Variants in APBA1 observed in about 807,000 individuals in gnomAD.
The protein encoded by APBA1 is amyloid-beta A4 precursor protein-binding family A member 1.
APBA1 carries 55 observed loss-of-function variants against 86.6 expected under a neutral mutation model. The ratio of observed to expected loss-of-function variants is 0.64; its 90% CI spans 0.51 to 0.80. APBA1 has a LOEUF of 0.80. Among genes scored for constraint, APBA1 ranks in the 30% least tolerant of loss-of-function variants. The pLI is 0.00. For synonymous variants in APBA1, 511 were observed against 493.9 expected (o/e 1.03, Z -0.46); for missense variants, 1,090 against 1,183.0 (o/e 0.92, Z 1.15).
chr9:69,654,112 C>CA (rs34666773), intron 1 of APBA1, among the ~76,000 whole-genome samples: 2,125 of 59,822 alleles, frequency 0.036, 70 homozygotes, highest in African/African-American at 0.061. Context: ...AACTCCATCT[C>CA]AAAAAAAAAA....
chr9:69,643,428 T>C (rs1003244164), intron 1 of APBA1, among the ~76,000 whole-genome samples: 2 of 152,134 alleles, frequency 1.3e-5, no homozygotes, highest in African/African-American at 2.4e-5. Flanking sequence ...ATGGATAATA[T>C]ATAGAATTCA....
At chr9:69,502,121 T>C (rs1380956318) in intron 2 of APBA1, among the ~76,000 whole-genome samples, 1 of 151,282 alleles carries the variant, frequency 6.6e-6, no homozygotes, top group Non-Finnish European at 1.5e-5. Context: ...GTGAAAAAAA[T>C]TGGAGCCCAG....
chr9:69,592,108 G>A (rs559556765), intron 1 of APBA1, among the ~76,000 whole-genome samples: 108 of 152,144 alleles, frequency 7.1e-4, no homozygotes, highest in Non-Finnish European at 1.4e-3. Flanking sequence ...ATGTTTTCTT[G>A]CTTGTATAAT....
chr9:69,516,357 C>A lies in APBA1; in HGVS notation c.854G>T (p.Ser285Ile). The A allele has an allele frequency of 6.3e-7, 1 of 1,599,706 alleles. No homozygotes were observed. The highest frequency in any genetic ancestry group is 8.5e-7 in the Non-Finnish European group (1 of 1,178,018). The change falls in exon 2 of 13, where the codon AGC becomes ATC. Residue 285 changes from serine (S) to isoleucine (I), a missense_variant. Around this residue, in one of 6 missense-constraint regions of APBA1, gnomAD observed 678 missense variants for 647.1 expected, o/e 1.05. Coordinates refer to ENST00000265381, the MANE Select transcript of APBA1 (RefSeq NM_001163.4). The surrounding 1 kb of genome is among the most constrained non-coding windows in gnomAD (Gnocchi z 7.3). ...AEVKQSMSSQ[S>I]LDKAAEDMPE... ...CATGTCCTCGGCTGCCTTGTCGAGG[C>A]TCTGCGAGCTCATGCTCTGCTTCAC...
chr9:69,629,311 T>C (rs533167601), intron 1 of APBA1, among the ~76,000 whole-genome samples: 16 of 152,324 alleles, frequency 1.1e-4, no homozygotes, highest in South Asian at 2.1e-4. Flanking sequence ...TAATGTTAAC[T>C]CATGCCTGAT....
intron 12 of APBA1, among the ~76,000 whole-genome samples, chr9:69,431,935 A>G (rs1338878717): frequency 6.9e-6 from 1 of 145,762 alleles, no homozygotes. Flanking sequence ...GTTGACTGAC[A>G]GCAGTGATAA....
At chr9:69,504,430 T>C (rs1230299546) in intron 2 of APBA1, among the ~76,000 whole-genome samples, 4 of 152,104 alleles carry the variant, frequency 2.6e-5, no homozygotes, top group Non-Finnish European at 5.9e-5. Flanking sequence ...TTGTCTTTCA[T>C]GTTAGAGATG....
In APBA1 at chr9:69,516,320, C is replaced by T. The variant is rs781454167; in HGVS notation, c.891G>A (p.Glu297=). The change falls in exon 2 of 13, where the codon GAG becomes GAA. Residue 297 remains glutamate (E), a synonymous_variant. Transcript: ENST00000265381. This position sits in a 1 kb window ranked among gnomAD's most constrained non-coding sequence, Gnocchi z 7.3. ...DKAAEDMPEA[E]QDLERPPTPA... ...GGGTAGGGGGACGCTCCAGGTCCTG[C>T]TCGGCCTCAGGCATGTCCTCGGCTG... 1 of 1,590,914 alleles carries T rather than the reference C, an allele frequency of 6.3e-7. No homozygotes were observed. Among genetic ancestry groups the T allele is most frequent in the South Asian group, 1.1e-5 (1 of 89,774 alleles).
intron 1 of APBA1, among the ~76,000 whole-genome samples, chr9:69,543,690 G>A (rs1354216694): frequency 6.6e-6 from 1 of 152,140 alleles, no homozygotes; most frequent in Non-Finnish European, 1.5e-5. Flanking sequence ...GGAAACCAAG[G>A]AACAGAAAGG....
intron 2 of APBA1, among the ~76,000 whole-genome samples, chr9:69,509,103 A>G (rs1835985436): frequency 6.6e-6 from 1 of 150,796 alleles, no homozygotes; most frequent in Admixed American, 6.6e-5. Flanking sequence ...GACACAAAAA[A>G]CCCTTCAAAA....
At chr9:69,477,378 G>A (rs1288542210) in intron 2 of APBA1, among the ~76,000 whole-genome samples, 3 of 151,284 alleles carry the variant, frequency 2.0e-5, no homozygotes, top group South Asian at 2.1e-4. Context: ...CTGGAAAATC[G>A]GGTCACTCCC....
chr9:69,473,075 A>T (rs1044218590), intron 3 of APBA1, among the ~76,000 whole-genome samples: 1 of 152,216 alleles, frequency 6.6e-6, no homozygotes, highest in Admixed American at 6.5e-5. Context: ...TCTGCACACC[A>T]AAGTGGGTGG....
chr9:69,654,544 A>T (rs1823571890), intron 1 of APBA1, among the ~76,000 whole-genome samples: 1 of 152,188 alleles, frequency 6.6e-6, no homozygotes, highest in African/African-American at 2.4e-5. Flanking sequence ...ATAAGTAATG[A>T]GATTGAAGCA....
At chr9:69,524,755 C>A (rs967531529) in intron 1 of APBA1, among the ~76,000 whole-genome samples, 1 of 152,004 alleles carries the variant, frequency 6.6e-6, no homozygotes, top group African/African-American at 2.4e-5. Context: ...TATCCTGATA[C>A]CAAAAACCTG....
At chr9:69,452,871 G>A (rs1389704331) in intron 8 of APBA1, among the ~76,000 whole-genome samples, 1 of 152,300 alleles carries the variant, frequency 6.6e-6, no homozygotes, top group South Asian at 2.1e-4. Context: ...CTGTGTTGCC[G>A]ATAAATCACA....
chr9:69,547,160 C>T (rs960591852), intron 1 of APBA1, among the ~76,000 whole-genome samples: 1 of 152,198 alleles, frequency 6.6e-6, no homozygotes, highest in Non-Finnish European at 1.5e-5. Context: ...CCTCTTCTCT[C>T]ACGCCCTCAA....
intron 2 of APBA1, among the ~76,000 whole-genome samples, chr9:69,486,849 A>G (rs1355763598): frequency 6.8e-6 from 1 of 146,636 alleles, no homozygotes; most frequent in Non-Finnish European, 1.5e-5. Context: ...CCGGGAGTAG[A>G]TATTTTTTTT....
In APBA1 at chr9:69,441,096, C is replaced by G. The variant is rs777572294; in HGVS notation, c.2201G>C (p.Arg734Pro). 3 of 1,613,872 alleles carry G rather than the reference C, an allele frequency of 1.9e-6. No homozygotes were observed. The highest frequency in any genetic ancestry group is 2.5e-6 in the Non-Finnish European group (3 of 1,180,010). The change falls in exon 11 of 13, where the codon CGA becomes CCA. Residue 734 changes from arginine (R) to proline (P), a missense_variant. Physicochemically the swap from Arg to Pro is moderately radical, Grantham distance 103 (BLOSUM62 -2). Around this residue, in one of 6 missense-constraint regions of APBA1, gnomAD observed 119 missense variants for 124.8 expected, o/e 0.95. Coordinates refer to ENST00000265381, the MANE Select transcript of APBA1 (RefSeq NM_001163.4). ...ACATCTCACGATATTCAGCTTGACT[C>G]GGGACTGATTCTTTAAGCCCTTAAA... ...SIIKGLKNQSRVKLNIVRCPP... is the reference protein window; with the variant it reads ...SIIKGLKNQSPVKLNIVRCPP...
intron 1 of APBA1, among the ~76,000 whole-genome samples, chr9:69,658,115 A>G (rs544007305): frequency 6.6e-6 from 1 of 152,322 alleles, no homozygotes; most frequent in South Asian, 2.1e-4. Context: ...CTTCTCAGGA[A>G]AAAGACTGGA....
Sources: gnomAD v4.1 joint callset for allele counts (sites outside exome capture counted in the v4.1 genomes callset) on GRCh38, gnomAD v4.1.1 for gene constraint, gnomAD v4.1.1 regional missense constraint, Gnocchi (gnomAD v3.1) non-coding constraint, MANE v1.5 for transcripts, NCBI Gene and HGNC (gene_info 2026-07-23, HGNC 2026-07-21) for gene names.